SMYD5: variants seen among roughly 807,000 people sequenced by gnomAD.
SMYD5 encodes the protein SMYD family member 5, also known as protein-lysine N-trimethyltransferase SMYD5.
Under a neutral mutation model 57.4 loss-of-function variants are expected in SMYD5, and 35 were observed. That is an observed-to-expected ratio of 0.61 (90% confidence interval 0.47 to 0.81). The LOEUF (loss-of-function observed/expected upper bound fraction) is 0.81. SMYD5 is among the 30% of genes least tolerant of loss of function. The probability of loss-of-function intolerance (pLI) is 0.00; values close to 1 mark genes in which losing one functional copy is unlikely to be tolerated. For synonymous variants in SMYD5, 198 were observed against 189.7 expected, an observed-to-expected ratio of 1.04 and a Z score of -0.36; for missense variants, 471 against 527.9, an observed-to-expected ratio of 0.89 and a Z score of 1.06.
In SMYD5 at chr2:73,214,550, A is replaced by G. The variant is rs549238943; in HGVS notation, c.96+188A>G. On this transcript the variant is annotated intron_variant, in intron 1 of 12. Coordinates refer to ENST00000389501, the MANE Select transcript of SMYD5 (RefSeq NM_006062.3). ...GGCTCGTGGCGCGGTCACGCGATAG[A>G]CCCGGGCCTCCGGAGTCTCCGTGCG... 3.2e-5 allele frequency: 47 copies of G among 1,484,816 alleles called. 1 individual carries two copies. In the South Asian group the frequency reaches 5.5e-4, roughly 18 times the overall value. 92.0% of individuals were successfully genotyped at this position (1,484,816 alleles called of 1,614,324 possible). A position where few individuals can be genotyped will look rare whatever the true frequency, so the allele number is the denominator to read the frequency against.
chr2:73,214,635 C>T (rs964783619), intron 1 of SMYD5: 50 of 1,499,496 alleles, frequency 3.3e-5, no homozygotes, highest in Non-Finnish European at 4.3e-5. Context: ...CTGCTCGGGG[C>T]GGGGCTAGGG....
intron 11 of SMYD5, 76 bp from the exon 12 acceptor site, chr2:73,225,555 T>TAGGGTAGCTGTTGGGGA: frequency 7.5e-7 from 1 of 1,338,680 alleles, no homozygotes; most frequent in Admixed American, 1.8e-5. Context: ...TGGTTGGAGA[T>TAGGGTAGCTGTTGGGGA]AGGGTAGCTG....
At position 73,225,891 on chromosome 2, in the gene SMYD5, AGGAG is replaced by A; in HGVS notation, c.1204_1207del (p.Glu402LysfsTer13). On this transcript the variant is annotated frameshift_variant, in exon 13 of 13. Coordinates refer to ENST00000389501, the MANE Select transcript of SMYD5 (RefSeq NM_006062.3). LOFTEE classifies it high-confidence loss of function. ...GAAGAGGAAGAGGAAGAGGAGGAGG[AGGAG>A]GAAGGAGAGCCAGAAGATGCAGAGC... The A allele has an allele frequency of 6.2e-7, 1 of 1,614,194 alleles. No individual in the cohort carries two copies. Among genetic ancestry groups the A allele is most frequent in the Non-Finnish European group, 8.5e-7 (1 of 1,180,012 alleles).
At chr2:73,221,306 A>G in intron 5 of SMYD5, 72 bp downstream of exon 5, 1 of 1,230,216 alleles carries the variant, frequency 8.1e-7, no homozygotes, top group Non-Finnish European at 1.2e-6. Flanking sequence ...TCTTTTCCTC[A>G]CCTCAAAGCC....
intron 8 of SMYD5, 121 bp from the exon 9 acceptor site, chr2:73,223,305 G>A (rs2103719442): frequency 3.6e-6 from 3 of 823,632 alleles, no homozygotes; most frequent in Non-Finnish European, 6.2e-6. Flanking sequence ...GCCCCCACCT[G>A]GAGAATGAAG....
chr2:73,214,608 G>C (rs1417597548), intron 1 of SMYD5: 23 of 1,512,904 alleles, frequency 1.5e-5, no homozygotes, highest in Non-Finnish European at 2.0e-5. Context: ...GCCAGCCCGC[G>C]GGAGGCCCTT....
intron 10 of SMYD5, among the ~76,000 whole-genome samples, chr2:73,224,514 G>A (rs1040672563): frequency 6.6e-6 from 1 of 152,178 alleles, no homozygotes; most frequent in East Asian, 1.9e-4. Flanking sequence ...TTCTCAGAGG[G>A]CCTGTGTCAG....
rs1224410415 is a variant in SMYD5 at position 73,227,002 on chromosome 2, A to G, written c.*1056A>G. The G allele has an allele frequency of 1.3e-5, 2 of 152,684 alleles. No individual in the cohort carries two copies. Among genetic ancestry groups the G allele is most frequent in the African/African-American group, 2.4e-5 (1 of 41,448 alleles). 9.5% of individuals were successfully genotyped at this position (152,684 alleles called of 1,614,324 possible). On this transcript the variant is annotated 3_prime_UTR_variant, in exon 13 of 13. Coordinates refer to ENST00000389501, the MANE Select transcript of SMYD5 (RefSeq NM_006062.3). Reference sequence around the variant, plus strand: ...TTGGATGCTATGGGAATTACAACCCATCACTCCCAATGCCTCCCTTTCCTG... The same window carrying G: ...TTGGATGCTATGGGAATTACAACCCGTCACTCCCAATGCCTCCCTTTCCTG...
rs1013249780 is a variant in SMYD5, at chr2:73,225,464, T to C, written c.1036-167T>C. 1.6e-5 allele frequency: 11 copies of C among 694,978 alleles called. No individual in the cohort carries two copies. The African/African-American group carries it at 2.0e-4, about 12-fold the overall frequency. 43.1% of individuals were successfully genotyped at this position (694,978 alleles called of 1,614,324 possible). On this transcript the variant is annotated intron_variant, in intron 11 of 12. Transcript: ENST00000389501. ...TGGAGCCTTATAGTGGCCTGCCTACTGAAGGCACTGGGAACTGGATGAGGG... is the reference window on the plus strand; with the variant it reads ...TGGAGCCTTATAGTGGCCTGCCTACCGAAGGCACTGGGAACTGGATGAGGG...
At chr2:73,222,477 G>C (rs1445674433) in intron 6 of SMYD5, among the ~76,000 whole-genome samples, 1 of 152,190 alleles carries the variant, frequency 6.6e-6, no homozygotes, top group Non-Finnish European at 1.5e-5. Flanking sequence ...AGATTTGATG[G>C]TGGTGGTGTG....
chr2:73,216,177 G>A (rs1686290237), intron 1 of SMYD5, among the ~76,000 whole-genome samples: 1 of 152,220 alleles, frequency 6.6e-6, no homozygotes, highest in Non-Finnish European at 1.5e-5. Context: ...GTGGAAGCCA[G>A]CTGGATTACC....
rs1284079454 is a variant in SMYD5 at position 73,220,748 on chromosome 2, T to G, written c.433T>G (p.Leu145Val). The change falls in exon 4 of 13, where the codon TTG (leucine) becomes GTG (valine). Residue 145 changes from leucine to valine, a missense_variant. Transcript: ENST00000389501. ...LCPGPSQDDP[L>V]HPLNKLQEAW... is the part of the protein sequence containing the mutation. ...CCCAGGCCCCTCCCAGGATGACCCC[T>G]TGCATCCTCTCAATAAGCTTCAGGA... 1 of 1,614,020 alleles carries G rather than the reference T, an allele frequency of 6.2e-7. No homozygotes were observed. The highest frequency in any genetic ancestry group is 8.5e-7 in the Non-Finnish European group (1 of 1,179,972).
In SMYD5 at chr2:73,226,036, C is replaced by G. The variant is rs1558553953; in HGVS notation, c.*90C>G. ...GAAGTGGCTTGGAGGGAACTTCCCA[C>G]TCCCATTGCCTGCTTTCCCCATTCC... On this transcript the variant is annotated 3_prime_UTR_variant, in exon 13 of 13. Coordinates refer to ENST00000389501, the MANE Select transcript of SMYD5 (RefSeq NM_006062.3). 6.9e-7 allele frequency: 1 copy of G among 1,458,956 alleles called. No individual in the cohort carries two copies. Among genetic ancestry groups the G allele is most frequent in the Non-Finnish European group, 9.1e-7 (1 of 1,095,268 alleles). The allele number at this position is 1,458,956 out of a possible 1,614,324, so 90.4% of individuals were successfully genotyped here.
At chr2:73,224,689 G>C (rs540581340) in intron 10 of SMYD5, among the ~76,000 whole-genome samples, 177 bp from the exon 11 acceptor site, 1 of 152,314 alleles carries the variant, frequency 6.6e-6, no homozygotes, top group East Asian at 1.9e-4. Flanking sequence ...GTTCATTTGT[G>C]CTGTGCTATA....
At chr2:73,220,282 C>A in intron 3 of SMYD5, 92 bp downstream of exon 3, 1 of 1,388,968 alleles carries the variant, frequency 7.2e-7, no homozygotes, top group Non-Finnish European at 1.0e-6. Flanking sequence ...AGCGACAGAC[C>A]TGGTCATGGC....
chr2:73,222,997 T>C (rs1280391031), intron 7 of SMYD5, 39 bp from the exon 8 acceptor site: 2 of 1,582,284 alleles, frequency 1.3e-6, no homozygotes, highest in Admixed American at 3.3e-5. Flanking sequence ...GAAAAGTCAG[T>C]GGCTGTAATG....
chr2:73,223,181 A>C lies in SMYD5; in HGVS notation c.776+75A>C, dbSNP rs939251792. The C allele has an allele frequency of 3.2e-6, 4 of 1,240,552 alleles. No homozygotes were observed. In the African/African-American group the frequency reaches 5.9e-5, roughly 18 times the overall value. The allele number at this position is 1,240,552 out of a possible 1,614,324, so 76.8% of individuals were successfully genotyped here. On this transcript the variant is annotated intron_variant, in intron 8 of 12. Transcript: ENST00000389501. Reference sequence around the variant, plus strand: ...AGGAAGGTAGCCACAGTTCCTTTCAAGACTGGGATGGGGTAGGGTGGGACT... The same window carrying C: ...AGGAAGGTAGCCACAGTTCCTTTCACGACTGGGATGGGGTAGGGTGGGACT...
chr2:73,218,365 G>A (rs945450177), intron 1 of SMYD5, among the ~76,000 whole-genome samples: 2 of 152,212 alleles, frequency 1.3e-5, no homozygotes, highest in African/African-American at 2.4e-5. Context: ...TGGGTATTCA[G>A]CTGACCAAGG....
chr2:73,224,947 T>C lies in SMYD5; in HGVS notation c.1022T>C (p.Ile341Thr), dbSNP rs1042661360. The part of the protein sequence containing the change: ...FLLHVTALED[I>T]KPGEEICISY... ...TTGCATGTCACTGCTCTGGAGGATA[T>C]TAAGCCAGGAGAGGTGAGGGGGACC... The change falls in exon 11 of 13, where the codon ATT (isoleucine) becomes ACT (threonine). Residue 341 changes from isoleucine (I) to threonine (T), a missense_variant. Coordinates refer to ENST00000389501, the MANE Select transcript of SMYD5 (RefSeq NM_006062.3). The C allele has an allele frequency of 2.9e-5, 46 of 1,613,710 alleles. No homozygotes were observed. The highest frequency in any genetic ancestry group is 3.6e-5 in the Non-Finnish European group (43 of 1,179,806).
Sources: allele counts gnomAD v4.1 joint callset (sites outside exome capture counted in the v4.1 genomes callset), GRCh38; gene constraint gnomAD v4.1.1; transcripts MANE v1.5; gene names NCBI Gene and HGNC (gene_info 2026-07-23, HGNC 2026-07-21).